CARD10: variants seen among roughly 807,000 people sequenced by gnomAD.
CARD10 encodes caspase recruitment domain family member 10, also known as caspase recruitment domain-containing protein 10.
A neutral mutation model predicts 114.6 loss-of-function variants in CARD10; 49 were observed. The ratio of observed to expected loss-of-function variants is 0.43; its 90% CI spans 0.34 to 0.54. The LOEUF is 0.54. CARD10 is among the 20% of genes least tolerant of loss of function. The probability of loss-of-function intolerance (pLI) is 0.03; values close to 1 mark genes in which losing one functional copy is unlikely to be tolerated. For missense variants in CARD10, 1,206 were observed against 1,397.2 expected, an observed-to-expected ratio of 0.86 and a Z score of 2.18; for synonymous variants, 602 against 593.2, an observed-to-expected ratio of 1.01 and a Z score of -0.21.
At position 37,492,595 on chromosome 22, in the gene CARD10, G is replaced by A. The variant is rs373917622; in HGVS notation, c.2636-45C>T. On this transcript the variant is annotated intron_variant, in intron 17 of 19. Coordinates refer to ENST00000251973, the MANE Select transcript of CARD10 (RefSeq NM_014550.4). This position sits in a 1 kb window ranked among gnomAD's most constrained non-coding sequence, Gnocchi z 5.7. ...GGAGAGATGAAGGATCCATGGGCCC[G>A]GCTGCCCAGAGGGGCACCCAGCCTC... The A allele has an allele frequency of 3.5e-5, 57 of 1,606,576 alleles. No individual in the cohort carries two copies. Among genetic ancestry groups the A allele is most frequent in the Middle Eastern group, 1.7e-4 (1 of 6,050 alleles).
rs199702373 is a variant in CARD10, at chr22:37,492,587, A to C, written c.2636-37T>G. The C allele has an allele frequency of 6.2e-7, 1 of 1,605,688 alleles. No individual in the cohort carries two copies. Among genetic ancestry groups the C allele is most frequent in the East Asian group, 2.2e-5 (1 of 44,748 alleles). On this transcript the variant is annotated intron_variant, in intron 17 of 19. Transcript: ENST00000251973. This position sits in a 1 kb window ranked among gnomAD's most constrained non-coding sequence, Gnocchi z 5.7. ...GTGGAGAGGGAGAGATGAAGGATCC[A>C]TGGGCCCGGCTGCCCAGAGGGGCAC...
At position 37,491,379 on chromosome 22, in the gene CARD10, C is replaced by G. The variant is rs1418352611; in HGVS notation, c.2879G>C (p.Arg960Pro). ...NVREVRGLLG[R>P]PGWRDSELLR... ...CAGCTCTGAGTCCCGCCAGCCCGGC[C>G]GGCCCAGCAGACCCCTGCCGAGAGA... The change falls in exon 20 of 20, where the codon CGG becomes CCG. Residue 960 changes from arginine (R) to proline (P), a missense_variant. Physicochemically the swap from Arg to Pro is moderately radical, Grantham distance 103 (BLOSUM62 -2). Transcript: ENST00000251973. 1 of 1,498,890 alleles carries G rather than the reference C, an allele frequency of 6.7e-7. No homozygotes were observed. 92.8% of individuals were successfully genotyped at this position (1,498,890 alleles called of 1,614,324 possible). A position where few individuals can be genotyped will look rare whatever the true frequency, so the allele number is the denominator to read the frequency against.
At chr22:37,491,537 G>C in intron 19 of CARD10, 144 bp from the exon 20 acceptor site, 2 of 105,200 alleles carry the variant, frequency 1.9e-5, no homozygotes, top group Non-Finnish European at 3.6e-5. Context: ...GAGATGGAGA[G>C]AGAGAGACAG....
intron 15 of CARD10, chr22:37,494,396 CAGCCATCCCTGTGGCCCCCGGGA>C: frequency 1.7e-6 from 1 of 583,696 alleles, no homozygotes; most frequent in South Asian, 2.1e-5. Flanking sequence ...CAGATGAGAG[CAGCCATCCCTGTGGCCCCCGGGA>C]AGCCAGCCCG....
In CARD10 at chr22:37,496,087, CATGG is replaced by C. The variant is rs1188949940; in HGVS notation, c.2060-88_2060-85del. The C allele has an allele frequency of 6.5e-7, 1 of 1,534,878 alleles. No individual in the cohort carries two copies. The highest frequency in any genetic ancestry group is 1.4e-5 in the African/African-American group (1 of 73,192). ...GGATCGGCCTTGGTGGGGCCAAAGACATGGCCCTCTCGAGGCCTGAGTTCCCAGG... is the reference window on the plus strand; with the variant it reads ...GGATCGGCCTTGGTGGGGCCAAAGACCCCTCTCGAGGCCTGAGTTCCCAGG... On this transcript the variant is annotated intron_variant, in intron 13 of 19. Transcript: ENST00000251973. The surrounding 1 kb of genome is among the most constrained non-coding windows in gnomAD (Gnocchi z 4.1).
At chr22:37,491,471 AG>A in intron 19 of CARD10, 78 bp from the exon 20 acceptor site, 1 of 1,035,628 alleles carries the variant, frequency 9.7e-7, no homozygotes, top group Non-Finnish European at 1.3e-6. Flanking sequence ...GGACAGACAA[AG>A]GGGGAAGAGT....
rs1297647617 is a variant in CARD10 at position 37,491,065 on chromosome 22, G to C, written c.*94C>G. The C allele has an allele frequency of 2.0e-6, 2 of 1,002,820 alleles. No homozygotes were observed. The highest frequency in any genetic ancestry group is 1.5e-6 in the Non-Finnish European group (1 of 672,266). The allele number at this position is 1,002,820 out of a possible 1,614,324, so 62.1% of individuals were successfully genotyped here. A position where few individuals can be genotyped will look rare whatever the true frequency, so the allele number is the denominator to read the frequency against. On this transcript the variant is annotated 3_prime_UTR_variant, in exon 20 of 20. Coordinates refer to ENST00000251973, the MANE Select transcript of CARD10 (RefSeq NM_014550.4). The stretch of plus-strand genomic sequence containing the variant: ...AGGGCCCTGCATCTGAGAGTCCAAG[G>C]GTCTAGGAAGGCTCAGGGTGGGAGG...
Position 37,497,137 on chromosome 22 carries a change from C to A in CARD10, c.1829G>T (p.Gly610Val). The A allele has an allele frequency of 3.1e-6, 5 of 1,614,136 alleles. No homozygotes were observed. Among genetic ancestry groups the A allele is most frequent in the Middle Eastern group, 1.6e-4 (1 of 6,062 alleles). The change falls in exon 12 of 20, where the codon GGC (glycine) becomes GTC (valine). Residue 610 changes from glycine (G) to valine (V), a missense_variant. Gly to Val is a moderately radical substitution (Grantham distance 109). This residue lies in a region of CARD10 where 1,068 missense variants were observed against 1,179.1 expected (regional missense o/e 0.91). Transcript: ENST00000251973. Reference sequence around the variant, plus strand: ...TGGTCCCTTGTCCTGCGGCTCTGGGCCCCCTGGGGGGCTCCGGCCAGACAC... The same window carrying A: ...TGGTCCCTTGTCCTGCGGCTCTGGGACCCCTGGGGGGCTCCGGCCAGACAC... ...IRVSGRSPPGGPEPQDKGPDG... is the reference protein window; with the variant it reads ...IRVSGRSPPGVPEPQDKGPDG...
In CARD10 at chr22:37,498,780, G is replaced by A. The variant is rs138325568; in HGVS notation, c.1788-1602C>T. 1.2e-3 allele frequency among the ~76,000 whole-genome samples: 183 copies of A among 151,972 alleles called. 1 individual carries two copies. The highest frequency in any genetic ancestry group is 4.3e-3 in the African/African-American group (178 of 41,442). ...GCTTTGTGGCTGGAGCACACGGTCC[G>A]CTCCAAACCCCAGGGCAAACTGCAC... On this transcript the variant is annotated intron_variant, in intron 11 of 19. Transcript: ENST00000251973.
intron 3 of CARD10, among the ~76,000 whole-genome samples, chr22:37,512,863 T>G (rs1251296185): frequency 1.3e-5 from 2 of 152,114 alleles, no homozygotes; most frequent in Non-Finnish European, 2.9e-5. Flanking sequence ...ATAGCGTTCG[T>G]TCCTTCAGTT....
At chr22:37,517,824 G>A in intron 2 of CARD10, 147 bp downstream of exon 2, 4 of 1,037,774 alleles carry the variant, frequency 3.9e-6, no homozygotes, top group Non-Finnish European at 5.4e-6. Context: ...CTACCGTGGG[G>A]CCCTGGGCAA....
Position 37,513,215 on chromosome 22 carries a change from A to G in CARD10, c.699+2758T>C, listed in dbSNP as rs551281334. Among the ~76,000 whole-genome samples the G allele has an allele frequency of 9.9e-5, 15 of 152,168 alleles. No homozygotes were observed. The South Asian group carries it at 3.1e-3, about 32-fold the overall frequency. ...AACCTCCACCTCCCGGGTTCAAGCAATTCTCCTGCCTCAGCCTCCCGAGTC... is the reference window on the plus strand; with the variant it reads ...AACCTCCACCTCCCGGGTTCAAGCAGTTCTCCTGCCTCAGCCTCCCGAGTC... On this transcript the variant is annotated intron_variant, in intron 3 of 19. Coordinates refer to ENST00000251973, the MANE Select transcript of CARD10 (RefSeq NM_014550.4).
Position 37,496,580 on chromosome 22 carries a change from G to A in CARD10, c.1948-20C>T. The A allele has an allele frequency of 6.3e-7, 1 of 1,575,950 alleles. No homozygotes were observed. The stretch of plus-strand genomic sequence containing the variant: ...CCTTTGCTGGGAGAAAACCCAGGCA[G>A]GGAGGGAAAGAAGTGAGCCTCTGAG... On this transcript the variant is annotated intron_variant, in intron 12 of 19. Transcript: ENST00000251973. The surrounding 1 kb of genome is among the most constrained non-coding windows in gnomAD (Gnocchi z 4.1).
intron 19 of CARD10, 148 bp downstream of exon 19, chr22:37,491,607 G>GAGAAGGT (rs1569161386): frequency 2.5e-6 from 1 of 398,594 alleles, no homozygotes; most frequent in Admixed American, 3.8e-5. Context: ...GAGAAGGAGG[G>GAGAAGGT]GGGAGGGGGA....
intron 4 of CARD10, chr22:37,509,248 G>A: frequency 9.6e-7 from 1 of 1,040,360 alleles, no homozygotes; most frequent in Non-Finnish European, 1.3e-6. Flanking sequence ...CCACTGACCT[G>A]CCGCAGGACA....
intron 11 of CARD10, among the ~76,000 whole-genome samples, chr22:37,502,129 T>C (rs1271669505): frequency 2.0e-5 from 3 of 152,252 alleles, no homozygotes; most frequent in Non-Finnish European, 2.9e-5. Context: ...TATGGACCTG[T>C]GGCTGGCCCG....
chr22:37,517,571 G>T (rs1923881853), intron 2 of CARD10, among the ~76,000 whole-genome samples: 1 of 152,196 alleles, frequency 6.6e-6, no homozygotes, highest in Non-Finnish European at 1.5e-5. Flanking sequence ...GAACCTGGGA[G>T]GCGGAGGTTG....
At position 37,496,697 on chromosome 22, in the gene CARD10, C is replaced by A; in HGVS notation, c.1948-137G>T. ...AGCGCCCCCTCAGAAACTGCCATGC[C>A]CAGCCCAGTCAGACCCGTCCCCATC... On this transcript the variant is annotated intron_variant, in intron 12 of 19. Coordinates refer to ENST00000251973, the MANE Select transcript of CARD10 (RefSeq NM_014550.4). The surrounding 1 kb of genome is among the most constrained non-coding windows in gnomAD (Gnocchi z 4.1). The A allele has an allele frequency of 2.8e-6, 2 of 718,730 alleles. No homozygotes were observed. Among genetic ancestry groups the A allele is most frequent in the Admixed American group, 4.9e-5 (2 of 40,610 alleles). 44.5% of individuals were successfully genotyped at this position (718,730 alleles called of 1,614,324 possible).
rs1922743909 is a variant in CARD10, at chr22:37,490,866, A to G, written c.*293T>C. 2 of 460,752 alleles carry G rather than the reference A, an allele frequency of 4.3e-6. No homozygotes were observed. The highest frequency in any genetic ancestry group is 7.6e-5 in the East Asian group (2 of 26,404). The allele number at this position is 460,752 out of a possible 1,614,324, so 28.5% of individuals were successfully genotyped here. ...AGGTGTGAGAACAGACTCCAGGGCG[A>G]GTGTTTAAGGAGAAGACACAGACAC... On this transcript the variant is annotated 3_prime_UTR_variant, in exon 20 of 20. Transcript: ENST00000251973.
Sources: allele counts gnomAD v4.1 joint callset (sites outside exome capture counted in the v4.1 genomes callset), GRCh38; gene constraint gnomAD v4.1.1; regional missense constraint gnomAD v4.1.1; non-coding constraint Gnocchi (gnomAD v3.1); transcripts MANE v1.5; gene names NCBI Gene and HGNC (gene_info 2026-07-23, HGNC 2026-07-21).